The following ZNF33B variants were observed in gnomAD, a reference collection of about 807,000 sequenced individuals.
ZNF33B encodes zinc finger protein 33B.
ZNF33B carries 29 observed loss-of-function variants against 45.8 expected under a neutral mutation model. The observed-to-expected ratio is 0.63, with a 90% CI of 0.47 to 0.86. The LOEUF is 0.86. ZNF33B is among the 40% of genes least tolerant of loss of function. The pLI is 0.00. For missense variants in ZNF33B, 831 were observed against 909.9 expected (o/e 0.91, Z 1.12); for synonymous variants, 305 against 307.8 (o/e 0.99, Z 0.10).
intron 4 of ZNF33B, among the ~76,000 whole-genome samples, chr10:42,623,324 C>A (rs1838671393): frequency 1.3e-5 from 2 of 152,090 alleles, no homozygotes; most frequent in Admixed American, 6.5e-5. Context: ...CCCCAAAAAG[C>A]TAAAAGAAAT....
At chr10:42,575,923 G>A (rs1206901264) in intron 1 of ZNF33B, among the ~76,000 whole-genome samples, 24 of 147,924 alleles carry the variant, frequency 1.6e-4, no homozygotes, top group Non-Finnish European at 3.1e-4. Flanking sequence ...ATGAAGTCTC[G>A]CTCTTGTCCC....
chr10:42,621,757 T>G (rs1331767561), intron 4 of ZNF33B, among the ~76,000 whole-genome samples: 1 of 152,182 alleles, frequency 6.6e-6, no homozygotes, highest in Non-Finnish European at 1.5e-5. Context: ...TCATATTCAC[T>G]GATGAAAGAA....
chr10:42,630,035 G>A (rs77516292), intron 4 of ZNF33B, among the ~76,000 whole-genome samples: 6 of 152,110 alleles, frequency 3.9e-5, no homozygotes, highest in Non-Finnish European at 7.4e-5. Flanking sequence ...AATGATTCTA[G>A]AAACTCACGA....
chr10:42,585,177 C>T (rs568250469), downstream of ZNF33B, among the ~76,000 whole-genome samples: 11 of 152,350 alleles, frequency 7.2e-5, no homozygotes, highest in African/African-American at 2.2e-4. Flanking sequence ...TCTCTGGCCT[C>T]ACTTCATGGC....
At chr10:42,615,825 T>C (rs1349863785) in intron 4 of ZNF33B, among the ~76,000 whole-genome samples, 2 of 152,050 alleles carry the variant, frequency 1.3e-5, no homozygotes. Flanking sequence ...CTCGGGAGGC[T>C]GTGGCAGGAG....
At chr10:42,600,271 T>C (rs1185088137) in intron 4 of ZNF33B, among the ~76,000 whole-genome samples, 7 of 152,122 alleles carry the variant, frequency 4.6e-5, no homozygotes, top group Non-Finnish European at 8.8e-5. Flanking sequence ...TTTCCTGTTT[T>C]ATTAATTATT....
rs752413506 is a variant in ZNF33B at position 42,574,650 on chromosome 10, A to C, written c.102T>G (p.Tyr34Ter). The C allele has an allele frequency of 6.6e-6, 1 of 152,028 alleles. No individual in the cohort carries two copies. The highest frequency in any genetic ancestry group is 2.4e-5 in the African/African-American group (1 of 41,404). 9.4% of individuals were successfully genotyped at this position (152,028 alleles called of 1,614,324 possible). A position where few individuals can be genotyped will look rare whatever the true frequency, so the allele number is the denominator to read the frequency against. Reference sequence around the variant, plus strand: ...GTCTCGGTGAGTTATTTCAAGGTACATACCACTCTCTCCTGAGGCTGATGA... The same window carrying C: ...GTCTCGGTGAGTTATTTCAAGGTACCTACCACTCTCTCCTGAGGCTGATGA... The change falls in exon 2 of 2, where the codon TAT (tyrosine) becomes TAG (stop). Residue 34 changes from tyrosine to a stop codon, truncating the protein, a stop_gained. Transcript: ENST00000462075. LOFTEE classifies it high-confidence loss of function.
intron 1 of ZNF33B, among the ~76,000 whole-genome samples, chr10:42,576,612 C>A (rs758546374): frequency 6.6e-6 from 1 of 152,150 alleles, no homozygotes; most frequent in Non-Finnish European, 1.5e-5. Context: ...TGTTACTGTG[C>A]GCACCCATCA....
Position 42,603,000 on chromosome 10 carries a change from C to T in ZNF33B, c.251-8301G>A, listed in dbSNP as rs527596395. 3.3e-5 allele frequency among the ~76,000 whole-genome samples: 5 copies of T among 152,280 alleles called. No homozygotes were observed. In the East Asian group the frequency reaches 9.7e-4, roughly 29 times the overall value. ...ATTCTAGGAAAGAACTGCCAAAAGG[C>T]CTTGAGCCAGCTTCCTCCACCACCC... On this transcript the variant is annotated intron_variant, in intron 4 of 4. Transcript: ENST00000359467.
chr10:42,583,092 G>C (rs1345092633), intron 1 of ZNF33B: 1 of 807,336 alleles, frequency 1.2e-6, no homozygotes, highest in African/African-American at 1.6e-5. Context: ...TTAATCCAAG[G>C]TCCAGGATCA....
At chr10:42,623,011 T>C (rs1307907277) in intron 4 of ZNF33B, among the ~76,000 whole-genome samples, 1 of 152,166 alleles carries the variant, frequency 6.6e-6, no homozygotes, top group Non-Finnish European at 1.5e-5. Flanking sequence ...CTCACGCCTG[T>C]AATCCCAGCA....
chr10:42,620,992 C>T (rs935613594), intron 4 of ZNF33B, among the ~76,000 whole-genome samples: 7 of 151,932 alleles, frequency 4.6e-5, no homozygotes, highest in African/African-American at 1.7e-4. Flanking sequence ...AAAGCAAACA[C>T]AGAATGCAAG....
chr10:42,597,546 C>G (rs1837449961), intron 4 of ZNF33B, among the ~76,000 whole-genome samples: 1 of 152,060 alleles, frequency 6.6e-6, no homozygotes, highest in South Asian at 2.1e-4. Context: ...TTAGCAACTT[C>G]ATTTTCAATA....
chr10:42,616,694 A>C (rs371701463), intron 4 of ZNF33B, among the ~76,000 whole-genome samples: 1 of 151,638 alleles, frequency 6.6e-6, no homozygotes, highest in African/African-American at 2.4e-5. Flanking sequence ...GTTTTTGTCC[A>C]TTACATTTAT....
At chr10:42,614,321 C>G (rs1838224381) in intron 4 of ZNF33B, 2 of 154,384 alleles carry the variant, frequency 1.3e-5, no homozygotes, top group African/African-American at 4.8e-5. Context: ...TCATCCAAAA[C>G]AAGGAAAGTC....
At chr10:42,585,186 G>A (rs1836906767), downstream of ZNF33B, among the ~76,000 whole-genome samples, 1 of 152,168 alleles carries the variant, frequency 6.6e-6, no homozygotes, top group Non-Finnish European at 1.5e-5. Flanking sequence ...TCACTTCATG[G>A]CCTACGTGAT....
At chr10:42,597,369 C>A (rs1837441777) in intron 4 of ZNF33B, among the ~76,000 whole-genome samples, 1 of 151,794 alleles carries the variant, frequency 6.6e-6, no homozygotes, top group Non-Finnish European at 1.5e-5. Flanking sequence ...ATAATAGTAA[C>A]ATAAAACAAC....
intron 4 of ZNF33B, among the ~76,000 whole-genome samples, chr10:42,617,314 G>C (rs929900532): frequency 2.6e-5 from 4 of 151,300 alleles, no homozygotes; most frequent in African/African-American, 9.7e-5. Flanking sequence ...ATGTTGCCCA[G>C]GTTGGTCTCA....
At chr10:42,584,860 A>G (rs1193541048), downstream of ZNF33B, among the ~76,000 whole-genome samples, 1 of 152,134 alleles carries the variant, frequency 6.6e-6, no homozygotes, top group Non-Finnish European at 1.5e-5. Context: ...ACAACCTCAG[A>G]GTTTCAGAAA....
Sources: gnomAD v4.1 joint callset for allele counts (sites outside exome capture counted in the v4.1 genomes callset) on GRCh38, gnomAD v4.1.1 for gene constraint, MANE v1.5 for transcripts, NCBI Gene and HGNC (gene_info 2026-07-23, HGNC 2026-07-21) for gene names.